The following ABL2 variants were observed in gnomAD, a reference collection of about 807,000 sequenced individuals.
ABL2 encodes the protein ABL proto-oncogene 2, non-receptor tyrosine kinase.
A neutral mutation model predicts 107.7 loss-of-function variants in ABL2; 49 were observed. The observed-to-expected ratio is 0.45, with a 90% CI of 0.36 to 0.58. The LOEUF is 0.58. Among genes scored for constraint, ABL2 ranks in the 20% least tolerant of loss-of-function variants. ABL2 has a pLI of 0.00. For missense variants in ABL2, 1,245 were observed against 1,457.0 expected (o/e 0.85, Z 2.37); for synonymous variants, 549 against 548.6 (o/e 1.00, Z -0.01).
At chr1:179,143,062 C>A in intron 1 of ABL2, 2 of 1,612,930 alleles carry the variant, frequency 1.2e-6, no homozygotes, top group Non-Finnish European at 1.7e-6. Context: ...CCCAGAAGCA[C>A]AAAAGTTAAA....
intron 1 of ABL2, among the ~76,000 whole-genome samples, chr1:179,161,638 G>C (rs548595128): frequency 1.3e-5 from 2 of 152,344 alleles, no homozygotes; most frequent in South Asian, 4.1e-4. Context: ...TTCAGGCTGA[G>C]AGATCAAGGC....
rs188549936 is a variant in ABL2, at chr1:179,113,260, T to C, written c.1562-862A>G. ...GGTGCTTCGATTTAGCCTCAGCTCC[T>C]ATTCCCTCTAATAAAAGGATGAGGA... On this transcript the variant is annotated intron_variant, in intron 9 of 11. Transcript: ENST00000502732. Among the ~76,000 whole-genome samples the C allele has an allele frequency of 2.2e-4, 34 of 152,344 alleles. No homozygotes were observed. In the East Asian group the frequency reaches 6.6e-3, roughly 29 times the overall value.
rs142446654 is a variant in ABL2 at position 179,107,974 on chromosome 1, C to T, written c.3293G>A (p.Ser1098Asn). The change falls in exon 12 of 12, where the codon AGT becomes AAT. Residue 1098 changes from serine (S) to asparagine (N), a missense_variant. Transcript: ENST00000502732. ...ALLECADLLS[S>N]ALTEPVPNSQ... Reference sequence around the variant, plus strand: ...GTTGGGCACAGGTTCCGTGAGTGCACTGGACAGTAGGTCAGCACATTCCAG... The same window carrying T: ...GTTGGGCACAGGTTCCGTGAGTGCATTGGACAGTAGGTCAGCACATTCCAG... 1,645 of 1,614,250 alleles carry T rather than the reference C, an allele frequency of 1.0e-3. 19 individuals carry two copies. In the African/African-American group the frequency reaches 0.019, roughly 19 times the overall value.
At chr1:179,114,339 T>G (rs1046660622) in intron 9 of ABL2, among the ~76,000 whole-genome samples, 2 of 149,074 alleles carry the variant, frequency 1.3e-5, no homozygotes, top group African/African-American at 2.5e-5. Context: ...ACCCATGAGG[T>G]AGAGGTTTCA....
intron 1 of ABL2, among the ~76,000 whole-genome samples, chr1:179,209,150 TAGA>T (rs1662135894): frequency 6.6e-6 from 1 of 152,184 alleles, no homozygotes; most frequent in African/African-American, 2.4e-5. Context: ...AAGCAGACCA[TAGA>T]AGAATTATCT....
chr1:179,200,721 C>T (rs560940229), intron 1 of ABL2, among the ~76,000 whole-genome samples: 1 of 152,282 alleles, frequency 6.6e-6, no homozygotes, highest in East Asian at 1.9e-4. Flanking sequence ...TTTGATGATT[C>T]ACTAGGAGGA....
intron 1 of ABL2, among the ~76,000 whole-genome samples, chr1:179,179,912 A>C (rs1259621349): frequency 6.6e-6 from 1 of 151,324 alleles, no homozygotes; most frequent in African/African-American, 2.4e-5. Flanking sequence ...ACCAGCCTGC[A>C]CAACATGGCG....
At chr1:179,218,922 C>A (rs1450168924) in intron 1 of ABL2, among the ~76,000 whole-genome samples, 1 of 152,204 alleles carries the variant, frequency 6.6e-6, no homozygotes, top group Non-Finnish European at 1.5e-5. Flanking sequence ...ACATATTTAC[C>A]TCGTCCAGAA....
intron 1 of ABL2, among the ~76,000 whole-genome samples, chr1:179,174,255 T>C (rs1330727336): frequency 6.6e-6 from 1 of 150,652 alleles, no homozygotes; most frequent in Non-Finnish European, 1.5e-5. Flanking sequence ...GCCACTGCAC[T>C]CCAGCCTGGG....
intron 1 of ABL2, among the ~76,000 whole-genome samples, chr1:179,219,518 A>G (rs982990451): frequency 1.5e-4 from 23 of 152,272 alleles, no homozygotes; most frequent in African/African-American, 5.5e-4. Flanking sequence ...AGTCTCTATC[A>G]ACTTTAAATT....
intron 1 of ABL2, among the ~76,000 whole-genome samples, chr1:179,170,886 C>A (rs891941961): frequency 6.6e-6 from 1 of 152,014 alleles, no homozygotes; most frequent in Non-Finnish European, 1.5e-5. Context: ...GGAGCCACTG[C>A]GCTCAGCCTA....
In ABL2 at chr1:179,229,322, T is replaced by C. The variant is rs1663417819; in HGVS notation, c.76A>G (p.Ser26Gly). The C allele has an allele frequency of 6.3e-7, 1 of 1,584,812 alleles. No homozygotes were observed. Among genetic ancestry groups the C allele is most frequent in the African/African-American group, 1.4e-5 (1 of 73,274 alleles). Residue 26 changes from serine to glycine, a missense_variant, in exon 1 of 12, where the codon AGT becomes GGT. Ser to Gly is a moderately conservative substitution (Grantham distance 56). Transcript: ENST00000502732. ...CTGCGGCCGGAGGGCCTGGCTGCAC[T>C]GCTGCCCCGGATCCCGCGGGGCTGA... Reference protein sequence around the residue: ...QPQPRGIRGSSAARPSGRRRD... With the variant: ...QPQPRGIRGSGAARPSGRRRD...
chr1:179,150,803 G>A (rs952071212), intron 1 of ABL2, among the ~76,000 whole-genome samples: 4 of 152,058 alleles, frequency 2.6e-5, no homozygotes, highest in African/African-American at 4.8e-5. Flanking sequence ...GAAAGAAAGT[G>A]TCAACGGATT....
chr1:179,166,394 T>TAAAAAAA (rs200116537), intron 1 of ABL2, among the ~76,000 whole-genome samples: 1 of 108,836 alleles, frequency 9.2e-6, no homozygotes, highest in Non-Finnish European at 2.0e-5. Context: ...AACTCAATAC[T>TAAAAAAA]AAAAAAAAAA....
At chr1:179,150,817 T>A (rs927314834) in intron 1 of ABL2, among the ~76,000 whole-genome samples, 1 of 150,994 alleles carries the variant, frequency 6.6e-6, no homozygotes, top group Non-Finnish European at 1.5e-5. Context: ...ACGGATTTGG[T>A]AAACTTCATT....
chr1:179,108,910 G>A lies in ABL2; in HGVS notation c.2357C>T (p.Ser786Phe), dbSNP rs1341940897. Residue 786 changes from serine (S) to phenylalanine (F), a missense_variant, in exon 12 of 12, where the codon TCC (serine) becomes TTC (phenylalanine). By Grantham distance (155) the Ser-to-Phe change is radical. Around this residue, in one of 3 missense-constraint regions of ABL2, gnomAD observed 761 missense variants for 766.4 expected, o/e 0.99. Coordinates refer to ENST00000502732, the MANE Select transcript of ABL2 (RefSeq NM_007314.4). ...CTGCTCTGGAAGCCCTGAGGACATGGAAGATGTAGAGTTTGACCTTGGAAA... is the reference window on the plus strand; with the variant it reads ...CTGCTCTGGAAGCCCTGAGGACATGAAAGATGTAGAGTTTGACCTTGGAAA... Reference protein sequence around the residue: ...KPFPRSNSTSSMSSGLPEQDR... With the variant: ...KPFPRSNSTSFMSSGLPEQDR... 2 of 1,614,198 alleles carry A rather than the reference G, an allele frequency of 1.2e-6. No homozygotes were observed. Among genetic ancestry groups the A allele is most frequent in the South Asian group, 2.2e-5 (2 of 91,076 alleles).
intron 1 of ABL2, among the ~76,000 whole-genome samples, chr1:179,161,734 T>C (rs530948614): frequency 2.0e-5 from 3 of 152,230 alleles, no homozygotes; most frequent in Admixed American, 1.3e-4. Flanking sequence ...CGAGTACTTA[T>C]CAGGTGCCAT....
At chr1:179,154,578 C>T (rs1252871760) in intron 1 of ABL2, among the ~76,000 whole-genome samples, 1 of 152,168 alleles carries the variant, frequency 6.6e-6, no homozygotes, top group Non-Finnish European at 1.5e-5. Context: ...GTTTCTTCAC[C>T]GGGGCTTGAG....
intron 9 of ABL2, among the ~76,000 whole-genome samples, chr1:179,113,138 T>C (rs1188446449): frequency 6.6e-6 from 1 of 152,088 alleles, no homozygotes; most frequent in Non-Finnish European, 1.5e-5. Flanking sequence ...GCTTTTGAAC[T>C]CCTGAGCTCA....
Sources: allele counts gnomAD v4.1 joint callset (sites outside exome capture counted in the v4.1 genomes callset), GRCh38; gene constraint gnomAD v4.1.1; regional missense constraint gnomAD v4.1.1; transcripts MANE v1.5; gene names NCBI Gene and HGNC (gene_info 2026-07-23, HGNC 2026-07-21).